RIMS1: variants seen among roughly 807,000 people sequenced by gnomAD.
RIMS1 encodes regulating synaptic membrane exocytosis 1.
Under a neutral mutation model 214.1 loss-of-function variants are expected in RIMS1, and 83 were observed. The observed-to-expected ratio is 0.39, with a 90% confidence interval of 0.32 to 0.47. The LOEUF (loss-of-function observed/expected upper bound fraction) is 0.47. Ranked by LOEUF, RIMS1 falls within the 20% of genes least tolerant of loss-of-function variation. The pLI is 0.99. For synonymous variants in RIMS1, 793 were observed against 786.8 expected (o/e 1.01, Z -0.13); for missense variants, 2,050 against 2,161.8 (o/e 0.95, Z 1.03).
intron 33 of RIMS1, among the ~76,000 whole-genome samples, chr6:72,399,417 G>A (rs2098815536): frequency 6.6e-6 from 1 of 151,868 alleles, no homozygotes; most frequent in African/African-American, 2.4e-5. Context: ...GATAGATAGA[G>A]ATATGTCCTC....
At chr6:72,388,151 G>T (rs1254839276) in intron 29 of RIMS1, among the ~76,000 whole-genome samples, 2 of 152,166 alleles carry the variant, frequency 1.3e-5, no homozygotes, top group Non-Finnish European at 2.9e-5. Context: ...AGGTTTAATG[G>T]CAGATGAAGC....
intron 2 of RIMS1, among the ~76,000 whole-genome samples, chr6:72,005,370 A>G (rs1000420849): frequency 1.3e-5 from 2 of 152,168 alleles, no homozygotes; most frequent in Non-Finnish European, 2.9e-5. Flanking sequence ...TTTTGGTTCC[A>G]TATGAACATT....
At chr6:72,004,289 C>A (rs908250561) in intron 2 of RIMS1, among the ~76,000 whole-genome samples, 233 of 151,812 alleles carry the variant, frequency 1.5e-3, no homozygotes, top group Middle Eastern at 6.8e-3. Context: ...TTTGGGTTGG[C>A]TCCAAGTCTT....
At chr6:72,008,529 A>G (rs1050450196) in intron 2 of RIMS1, among the ~76,000 whole-genome samples, 5 of 152,236 alleles carry the variant, frequency 3.3e-5, no homozygotes, top group Non-Finnish European at 7.3e-5. Context: ...ACAAACTGGC[A>G]AATTGGATAA....
intron 4 of RIMS1, among the ~76,000 whole-genome samples, chr6:72,105,232 CTTTTTATTCAT>C (rs1230163200): frequency 2.0e-5 from 3 of 152,094 alleles, no homozygotes; most frequent in Admixed American, 6.5e-5. Flanking sequence ...CCACAGCAGT[CTTTTTATTCAT>C]TTTTTATTCA....
rs1429041322 is a variant in RIMS1 at position 72,012,240 on chromosome 6, A to G, written c.245+43177A>G. 2.0e-5 allele frequency among the ~76,000 whole-genome samples: 3 copies of G among 152,116 alleles called. No individual in the cohort carries two copies. In the East Asian group the frequency reaches 5.8e-4, roughly 29 times the overall value. ...CAAACTATCACAAGGACAAAAAACC[A>G]AACACCGCATGTTGTCACTCATAGG... is the stretch of plus-strand genomic sequence containing the variant. On this transcript the variant is annotated intron_variant, in intron 2 of 33. Transcript: ENST00000521978.
intron 6 of RIMS1, chr6:72,213,158 G>T (rs972698038): frequency 2.0e-6 from 3 of 1,536,832 alleles, no homozygotes; most frequent in African/African-American, 2.7e-5. Flanking sequence ...CTTCAGAAGG[G>T]TGGGAAGAAG....
In RIMS1 at chr6:72,313,313, C is replaced by G. The variant is rs1022626357; in HGVS notation, c.3964-193C>G. Among the ~76,000 whole-genome samples, 54 of 152,264 alleles carry G rather than the reference C, an allele frequency of 3.5e-4. 1 individual carries two copies. Among genetic ancestry groups the G allele is most frequent in the African/African-American group, 1.2e-3 (50 of 41,554 alleles). ...TTATATTTCAGTCTTCATAAGCCAT[C>G]TCTTACCACTCAAAGGATAATGTTT... On this transcript the variant is annotated intron_variant, in intron 27 of 33. Transcript: ENST00000521978.
intron 29 of RIMS1, among the ~76,000 whole-genome samples, chr6:72,336,305 T>C (rs1460812060): frequency 6.6e-6 from 1 of 151,866 alleles, no homozygotes; most frequent in East Asian, 1.9e-4. Flanking sequence ...ACTATACTTG[T>C]GGCTCATCTT....
intron 29 of RIMS1, among the ~76,000 whole-genome samples, chr6:72,341,409 A>G (rs1442250892): frequency 4.0e-5 from 6 of 151,852 alleles, no homozygotes; most frequent in African/African-American, 1.4e-4. Flanking sequence ...TGGTTACCTC[A>G]TCTCAGGACA....
chr6:71,944,515 A>G (rs1033458193), intron 1 of RIMS1, among the ~76,000 whole-genome samples: 1 of 152,170 alleles, frequency 6.6e-6, no homozygotes, highest in Non-Finnish European at 1.5e-5. Flanking sequence ...ATGGAGTAAT[A>G]TTAGAAAATG....
At chr6:71,920,657 A>C (rs992260249) in intron 1 of RIMS1, among the ~76,000 whole-genome samples, 2 of 152,190 alleles carry the variant, frequency 1.3e-5, no homozygotes, top group African/African-American at 2.4e-5. Context: ...TCCTGAGACT[A>C]AATAACACTA....
At chr6:72,209,458 C>T (rs1017700398) in intron 6 of RIMS1, among the ~76,000 whole-genome samples, 8 of 152,134 alleles carry the variant, frequency 5.3e-5, no homozygotes, top group African/African-American at 1.2e-4. Flanking sequence ...CTTATGTCTT[C>T]GAAACTAATT....
chr6:72,207,108 A>G (rs1226034068), intron 6 of RIMS1, among the ~76,000 whole-genome samples: 2 of 152,228 alleles, frequency 1.3e-5, no homozygotes, highest in Non-Finnish European at 2.9e-5. Context: ...GGCAAGGTAT[A>G]ACCCAGAGAA....
chr6:72,085,667 A>G (rs1586629408), intron 2 of RIMS1, among the ~76,000 whole-genome samples: 2 of 152,052 alleles, frequency 1.3e-5, no homozygotes. Flanking sequence ...CACCAGAACT[A>G]CTAAAAAAGC....
intron 24 of RIMS1, among the ~76,000 whole-genome samples, chr6:72,287,918 A>G (rs1179855650): frequency 6.6e-6 from 1 of 152,208 alleles, no homozygotes; most frequent in Non-Finnish European, 1.5e-5. Flanking sequence ...CTGTAAATAT[A>G]CATAATAGAG....
In RIMS1 at chr6:72,251,024, C is replaced by T. The variant is rs2073060016; in HGVS notation, c.2476C>T (p.Arg826Ter). 1 of 1,577,326 alleles carries T rather than the reference C, an allele frequency of 6.3e-7. No homozygotes were observed. The highest frequency in any genetic ancestry group is 8.6e-7 in the Non-Finnish European group (1 of 1,160,464). ...TGTACATCGTAGAGATTTTAGAGAA[C>T]GAATGTTAGAAATAACTGTGTGGGA... ...SHVHRRDFRE[R>*]MLEITVWDQP... is the part of the protein sequence containing the mutation. The change falls in exon 14 of 34, where the codon CGA (arginine) becomes TGA (stop). Residue 826 changes from arginine (R) to a stop codon, truncating the protein, a stop_gained. Coordinates refer to ENST00000521978, the MANE Select transcript of RIMS1 (RefSeq NM_014989.7). LOFTEE classifies it high-confidence loss of function.
chr6:72,159,929 A>G (rs1284444406), intron 4 of RIMS1, among the ~76,000 whole-genome samples: 1 of 139,724 alleles, frequency 7.2e-6, no homozygotes, highest in East Asian at 2.0e-4. Context: ...CTGTCAAGAA[A>G]GTCGTTGGTA....
chr6:72,181,258 G>A lies in RIMS1; in HGVS notation c.813-1026G>A, dbSNP rs556639653. On this transcript the variant is annotated intron_variant, in intron 5 of 33. Transcript: ENST00000521978. ...AAGCTTTGTAAGATACTCAGGAGTT[G>A]TAGGGGAGCTACACAGCGTATAAGA... is the stretch of plus-strand genomic sequence containing the variant. 2.0e-5 allele frequency among the ~76,000 whole-genome samples: 3 copies of A among 152,302 alleles called. No homozygotes were observed. In the South Asian group the frequency reaches 6.2e-4, roughly 32 times the overall value.
Sources: gnomAD v4.1 joint callset for allele counts (sites outside exome capture counted in the v4.1 genomes callset) on GRCh38, gnomAD v4.1.1 for gene constraint, MANE v1.5 for transcripts, NCBI Gene and HGNC (gene_info 2026-07-23, HGNC 2026-07-21) for gene names.